LRRC75A: variants seen among roughly 807,000 people sequenced by gnomAD.
LRRC75A encodes the protein leucine rich repeat containing 75A.
Under a neutral mutation model 26.0 loss-of-function variants are expected in LRRC75A, and 12 were observed. The ratio of observed to expected loss-of-function variants is 0.46; its 90% CI spans 0.30 to 0.75. LRRC75A has a LOEUF of 0.75. Among genes scored for constraint, LRRC75A ranks in the 30% least tolerant of loss-of-function variants. The probability of loss-of-function intolerance (pLI) is 0.08; values close to 1 mark genes in which losing one functional copy is unlikely to be tolerated. For missense variants in LRRC75A, 410 were observed against 486.6 expected (o/e 0.84, Z 1.48); for synonymous variants, 223 against 219.3 (o/e 1.02, Z -0.15).
At chr17:16,485,978 A>G (rs2093846358) in intron 1 of LRRC75A, among the ~76,000 whole-genome samples, 1 of 152,164 alleles carries the variant, frequency 6.6e-6, no homozygotes, top group Non-Finnish European at 1.5e-5. Flanking sequence ...ACCCAGGCCC[A>G]CGGTCACAGT....
chr17:16,481,511 C>T (rs2093833871), intron 1 of LRRC75A, among the ~76,000 whole-genome samples: 1 of 152,214 alleles, frequency 6.6e-6, no homozygotes, highest in African/African-American at 2.4e-5. Flanking sequence ...ATCTCTCTGT[C>T]ATGCTGAGTC....
intron 1 of LRRC75A, among the ~76,000 whole-genome samples, chr17:16,481,752 G>T (rs902688089): frequency 1.3e-5 from 2 of 152,084 alleles, no homozygotes; most frequent in Admixed American, 6.5e-5. Context: ...TGAGCTACAG[G>T]CCCTCCAGAC....
chr17:16,444,048 C>T lies in LRRC75A; in HGVS notation c.575G>A (p.Arg192Gln), dbSNP rs775338348. The change falls in exon 4 of 4, where the codon CGG becomes CAG. Residue 192 changes from arginine to glutamine, a missense_variant. Coordinates refer to ENST00000470794, the MANE Select transcript of LRRC75A (RefSeq NM_001113567.3). ...GIPLTSRDLE[R>Q]VTSYLQRCGE... ...ACAGCGCTGTAGGTAGCTGGTCACC[C>T]GCTCCAGGTCTCGGGAGGTCAGTGG... 20 of 1,613,334 alleles carry T rather than the reference C, an allele frequency of 1.2e-5. No homozygotes were observed. Among genetic ancestry groups the T allele is most frequent in the African/African-American group, 2.7e-5 (2 of 75,040 alleles).
intron 1 of LRRC75A, among the ~76,000 whole-genome samples, chr17:16,477,018 G>T (rs533796078): frequency 6.6e-6 from 1 of 152,080 alleles, no homozygotes; most frequent in African/African-American, 2.4e-5. Context: ...GATTACAGGC[G>T]TGAGCCACTG....
At chr17:16,448,096 G>A (rs1415997130) in intron 2 of LRRC75A, 136 bp from the exon 3 acceptor site, 3 of 755,374 alleles carry the variant, frequency 4.0e-6, no homozygotes, top group South Asian at 1.5e-5. Flanking sequence ...GCTGGCCTAG[G>A]GTGGGCACCC....
intron 2 of LRRC75A, among the ~76,000 whole-genome samples, chr17:16,459,445 C>T (rs969129822): frequency 1.3e-5 from 2 of 152,124 alleles, no homozygotes; most frequent in African/African-American, 4.8e-5. Flanking sequence ...AGCGACGTCC[C>T]TAAGATAGGA....
intron 1 of LRRC75A, among the ~76,000 whole-genome samples, chr17:16,480,856 A>G (rs1488320567): frequency 6.6e-6 from 1 of 152,046 alleles, no homozygotes; most frequent in Non-Finnish European, 1.5e-5. Context: ...AGCTCAGAAA[A>G]CACCAAGTTT....
intron 1 of LRRC75A, chr17:16,463,236 G>A (rs1024041192): frequency 4.6e-5 from 7 of 152,238 alleles, no homozygotes; most frequent in East Asian, 3.9e-4. Flanking sequence ...CGGAGTGATC[G>A]GCTTTGGAGA....
chr17:16,446,867 A>G (rs2093590187), intron 3 of LRRC75A: 1 of 296,180 alleles, frequency 3.4e-6, no homozygotes, highest in South Asian at 2.4e-5. Context: ...AGCCAGCACC[A>G]TCACAGCCTT....
At chr17:16,445,546 T>C (rs1050308871) in intron 3 of LRRC75A, among the ~76,000 whole-genome samples, 9 of 152,204 alleles carry the variant, frequency 5.9e-5, no homozygotes, top group African/African-American at 2.2e-4. Flanking sequence ...CATATGCTAC[T>C]GTCAACAGCT....
intron 2 of LRRC75A, among the ~76,000 whole-genome samples, chr17:16,453,348 GCACACA>G (rs147019550): frequency 2.1e-5 from 3 of 145,918 alleles, no homozygotes; most frequent in African/African-American, 5.0e-5. Context: ...ACACGCACAC[GCACACA>G]CACACACACG....
intron 1 of LRRC75A, among the ~76,000 whole-genome samples, chr17:16,482,549 G>C (rs80231540): frequency 0.024 from 3,618 of 152,266 alleles, 151 homozygotes; most frequent in African/African-American, 0.082. Context: ...CCTAGGAAGT[G>C]GGGGAGACGG....
intron 3 of LRRC75A, among the ~76,000 whole-genome samples, chr17:16,446,020 T>G (rs2093581750): frequency 6.6e-6 from 1 of 152,258 alleles, no homozygotes. Flanking sequence ...GTGATTCTCC[T>G]GCCTCAGCCT....
intron 2 of LRRC75A, among the ~76,000 whole-genome samples, chr17:16,456,155 G>T (rs2093677069): frequency 7.5e-6 from 1 of 134,192 alleles, no homozygotes; most frequent in Non-Finnish European, 1.6e-5. Flanking sequence ...GGAGGGAGAG[G>T]AGGAGGAAGA....
At chr17:16,456,169 G>A (rs899860101) in intron 2 of LRRC75A, among the ~76,000 whole-genome samples, 17 of 120,996 alleles carry the variant, frequency 1.4e-4, no homozygotes, top group African/African-American at 5.4e-4. Context: ...AGGAAGAGGA[G>A]GGGTAGGAGG....
intron 1 of LRRC75A, among the ~76,000 whole-genome samples, chr17:16,469,727 G>A (rs1488989434): frequency 6.6e-6 from 1 of 152,202 alleles, no homozygotes; most frequent in African/African-American, 2.4e-5. Context: ...AACAATGTCT[G>A]TATGTTCAGG....
In LRRC75A at chr17:16,450,990, C is replaced by T. The variant is rs147056731; in HGVS notation, c.376-3030G>A. Among the ~76,000 whole-genome samples, 64 of 152,124 alleles carry T rather than the reference C, an allele frequency of 4.2e-4. 2 individuals are homozygous for T. The East Asian group carries it at 0.012, about 28-fold the overall frequency. On this transcript the variant is annotated intron_variant, in intron 2 of 3. Transcript: ENST00000470794. ...GGGGGGTGACCTGCTCATGTGGGGC[C>T]ATGGTAAGTTTGAGGAGCTCACAAT...
chr17:16,471,298 G>A (rs769227955), intron 1 of LRRC75A, among the ~76,000 whole-genome samples: 24 of 152,172 alleles, frequency 1.6e-4, no homozygotes, highest in Non-Finnish European at 2.5e-4. Context: ...CGGCCCTGCC[G>A]ACACTCTCAT....
At chr17:16,465,835 G>A (rs2093764209) in intron 1 of LRRC75A, among the ~76,000 whole-genome samples, 1 of 152,212 alleles carries the variant, frequency 6.6e-6, no homozygotes, top group Non-Finnish European at 1.5e-5. Flanking sequence ...TGTGGTTGTT[G>A]CTTAGGAGGG....
Sources: gnomAD v4.1 joint callset for allele counts (sites outside exome capture counted in the v4.1 genomes callset) on GRCh38, gnomAD v4.1.1 for gene constraint, MANE v1.5 for transcripts, NCBI Gene and HGNC (gene_info 2026-07-23, HGNC 2026-07-21) for gene names.